CDH13: variants seen among roughly 807,000 people sequenced by gnomAD.
The protein encoded by CDH13 is cadherin 13, also known as cadherin-13.
A neutral mutation model predicts 63.8 loss-of-function variants in CDH13; 24 were observed. The ratio of observed to expected loss-of-function variants is 0.38; its 90% CI spans 0.27 to 0.53. CDH13 has a LOEUF of 0.53. CDH13 is among the 20% of genes least tolerant of loss of function. The pLI, the probability that CDH13 is intolerant of heterozygous loss-of-function variation, is 0.85. For missense variants in CDH13, 1,049 were observed against 903.1 expected (o/e 1.16, Z -2.07); for synonymous variants, 503 against 355.3 (o/e 1.42, Z -4.67).
chr16:83,129,141 G>T (rs564048466), intron 4 of CDH13, among the ~76,000 whole-genome samples: 2 of 152,306 alleles, frequency 1.3e-5, no homozygotes, highest in African/African-American at 2.4e-5. Context: ...TGTGGAAGAG[G>T]ACGTAGGTGT....
At chr16:83,235,963 C>A (rs1356129532) in intron 5 of CDH13, among the ~76,000 whole-genome samples, 1 of 152,140 alleles carries the variant, frequency 6.6e-6, no homozygotes, top group Non-Finnish European at 1.5e-5. Context: ...TACCATTTGA[C>A]TGCAATTGAA....
intron 3 of CDH13, among the ~76,000 whole-genome samples, chr16:83,082,631 A>C (rs1421240304): frequency 6.6e-6 from 1 of 152,148 alleles, no homozygotes; most frequent in African/African-American, 2.4e-5. Context: ...GCAACAAGAC[A>C]AGACTGTCTC....
At chr16:83,578,497 G>T (rs1468614471) in intron 7 of CDH13, among the ~76,000 whole-genome samples, 1 of 152,198 alleles carries the variant, frequency 6.6e-6, no homozygotes, top group Non-Finnish European at 1.5e-5. Flanking sequence ...AAAAGCAGAA[G>T]AGGTCACATT....
chr16:83,490,169 A>G (rs1181335346), intron 7 of CDH13, among the ~76,000 whole-genome samples: 4 of 152,130 alleles, frequency 2.6e-5, no homozygotes, highest in Non-Finnish European at 5.9e-5. Flanking sequence ...TTGACACAAT[A>G]ACAATTTTTC....
chr16:83,061,339 G>A (rs1314974112), intron 3 of CDH13, among the ~76,000 whole-genome samples: 1 of 151,784 alleles, frequency 6.6e-6, no homozygotes, highest in East Asian at 1.9e-4. Context: ...TTGTCCGGAT[G>A]AGTGGATTTT....
intron 5 of CDH13, among the ~76,000 whole-genome samples, chr16:83,232,765 C>G (rs2040040606): frequency 7.4e-6 from 1 of 134,808 alleles, no homozygotes; most frequent in Admixed American, 7.3e-5. Flanking sequence ...ATGACCCACT[C>G]TCGGGTATTT....
intron 8 of CDH13, among the ~76,000 whole-genome samples, chr16:83,623,861 A>T (rs1390950943): frequency 6.6e-6 from 1 of 152,212 alleles, no homozygotes; most frequent in Non-Finnish European, 1.5e-5. Flanking sequence ...CAGTTAGCGG[A>T]AGCCTAAGAC....
intron 5 of CDH13, among the ~76,000 whole-genome samples, chr16:83,322,928 C>T (rs1449443124): frequency 6.6e-6 from 1 of 152,012 alleles, no homozygotes; most frequent in Non-Finnish European, 1.5e-5. Context: ...GAGTGTTTAT[C>T]GTTGACTTTT....
At chr16:82,969,584 G>GTAAGAC (rs1567705142) in intron 2 of CDH13, among the ~76,000 whole-genome samples, 3 of 146,884 alleles carry the variant, frequency 2.0e-5, no homozygotes, top group Non-Finnish European at 4.5e-5. Context: ...TTGACAATTT[G>GTAAGAC]AACTAGGTAA....
chr16:82,860,387 G>A (rs768084636), intron 2 of CDH13, among the ~76,000 whole-genome samples: 3 of 55,014 alleles, frequency 5.5e-5, no homozygotes, highest in African/African-American at 1.3e-4. Flanking sequence ...GTGTGTGTGT[G>A]TGGGGGGGGG....
At chr16:83,583,814 A>G (rs4782826) in intron 7 of CDH13, among the ~76,000 whole-genome samples, 144,414 of 152,192 alleles carry the variant, frequency 0.95, 68,654 homozygotes, top group Middle Eastern at 0.98. Context: ...CTACTCCAGA[A>G]GCTGAGGCAG....
chr16:82,947,617 G>A (rs1904874515), intron 2 of CDH13, among the ~76,000 whole-genome samples: 1 of 152,134 alleles, frequency 6.6e-6, no homozygotes, highest in African/African-American at 2.4e-5. Flanking sequence ...ATTCAAGGAG[G>A]AAACTTAACA....
At chr16:83,653,795 C>T (rs1364279394) in intron 8 of CDH13, among the ~76,000 whole-genome samples, 2 of 152,220 alleles carry the variant, frequency 1.3e-5, no homozygotes, top group South Asian at 4.1e-4. Context: ...CTCACTCCCA[C>T]ATAGGGACAA....
chr16:82,970,338 T>C (rs1005079079), intron 2 of CDH13, among the ~76,000 whole-genome samples: 1 of 151,880 alleles, frequency 6.6e-6, no homozygotes, highest in Non-Finnish European at 1.5e-5. Flanking sequence ...TTGATGGGCA[T>C]TTGGGTTGGT....
chr16:83,423,439 C>T (rs986217188), intron 6 of CDH13, among the ~76,000 whole-genome samples: 1 of 152,064 alleles, frequency 6.6e-6, no homozygotes, highest in Non-Finnish European at 1.5e-5. Context: ...TTCCAGGAAT[C>T]CTTGATCTCG....
chr16:83,100,361 G>T (rs11862158), intron 3 of CDH13, among the ~76,000 whole-genome samples: 1 of 152,144 alleles, frequency 6.6e-6, no homozygotes, highest in Non-Finnish European at 1.5e-5. Context: ...TTTGGATACC[G>T]AGGTCAAATT....
chr16:82,836,429 C>A (rs575382134), intron 1 of CDH13, among the ~76,000 whole-genome samples: 11 of 152,284 alleles, frequency 7.2e-5, no homozygotes, highest in African/African-American at 2.6e-4. Flanking sequence ...GGATTACAGG[C>A]ATGAGCCGCT....
At chr16:83,188,954 T>G (rs2038612464) in intron 4 of CDH13, among the ~76,000 whole-genome samples, 2 of 152,166 alleles carry the variant, frequency 1.3e-5, no homozygotes, top group African/African-American at 2.4e-5. Context: ...GCCTCTGTTT[T>G]TAACTTTAGC....
In CDH13 at chr16:83,756,720, G is replaced by A. The variant is rs8048455; in HGVS notation, c.1681+8470G>A. On this transcript the variant is annotated intron_variant, in intron 11 of 13. Transcript: ENST00000567109. The stretch of plus-strand genomic sequence containing the variant: ...AAAGAGGCCATTTCATAATGATGAA[G>A]GGAGGTATCAAAAAGAAGGACATCA... Among the ~76,000 whole-genome samples the A allele has an allele frequency of 7.9e-3, 1,203 of 152,296 alleles. 10 individuals carry two copies. The highest frequency in any genetic ancestry group is 0.028 in the African/African-American group (1,153 of 41,554).
Sources: gnomAD v4.1 joint callset for allele counts (sites outside exome capture counted in the v4.1 genomes callset) on GRCh38, gnomAD v4.1.1 for gene constraint, MANE v1.5 for transcripts, NCBI Gene and HGNC (gene_info 2026-07-23, HGNC 2026-07-21) for gene names.